The following SDK1 variants were observed in gnomAD, a reference collection of about 807,000 sequenced individuals.
SDK1 encodes protein sidekick-1.
SDK1 carries 157 observed loss-of-function variants against 245.5 expected under a neutral mutation model. The ratio of observed to expected loss-of-function variants is 0.64; its 90% CI spans 0.56 to 0.73. SDK1 has a LOEUF of 0.73. Ranked by LOEUF, SDK1 falls within the 30% of genes least tolerant of loss-of-function variation. SDK1 has a pLI of 0.00. For synonymous variants in SDK1, 1,647 were observed against 1,278.5 expected, an observed-to-expected ratio of 1.29 and a Z score of -6.15; for missense variants, 3,583 against 3,002.3, an observed-to-expected ratio of 1.19 and a Z score of -4.52.
intron 1 of SDK1, among the ~76,000 whole-genome samples, chr7:3,610,110 A>G (rs879747029): frequency 8.5e-5 from 13 of 152,322 alleles, no homozygotes; most frequent in Non-Finnish European, 1.3e-4. Flanking sequence ...AAAATCAATA[A>G]GCTTTGGTTG....
chr7:3,567,183 C>T (rs2128628220), intron 1 of SDK1, among the ~76,000 whole-genome samples: 1 of 152,272 alleles, frequency 6.6e-6, no homozygotes, highest in East Asian at 1.9e-4. Context: ...GATTTGGTCA[C>T]TTTTCGTGTT....
intron 40 of SDK1, among the ~76,000 whole-genome samples, chr7:4,226,460 T>C (rs1785453105): frequency 6.6e-6 from 1 of 152,174 alleles, no homozygotes; most frequent in African/African-American, 2.4e-5. Context: ...TGCCCTCCCA[T>C]CCCCATCCTT....
rs77693598 is a variant in SDK1 at position 3,579,410 on chromosome 7, A to G, written c.299-39670A>G. On this transcript the variant is annotated intron_variant, in intron 1 of 44. Transcript: ENST00000404826. ...AAATGTGATTCATTACATAAACAGA[A>G]CTAAAGACAAAAATCACATGATTAT... is the stretch of plus-strand genomic sequence containing the variant. Among the ~76,000 whole-genome samples the G allele has an allele frequency of 8.9e-4, 135 of 152,372 alleles. 1 individual carries two copies. The highest frequency in any genetic ancestry group is 3.1e-3 in the African/African-American group (128 of 41,590).
chr7:3,540,322 G>A (rs1340599332), intron 1 of SDK1, among the ~76,000 whole-genome samples: 3 of 152,174 alleles, frequency 2.0e-5, no homozygotes, highest in Non-Finnish European at 2.9e-5. Flanking sequence ...CAGGAGAATC[G>A]CTTGAACCTG....
chr7:4,062,623 C>G (rs1404955056), intron 19 of SDK1, among the ~76,000 whole-genome samples: 1 of 152,116 alleles, frequency 6.6e-6, no homozygotes, highest in African/African-American at 2.4e-5. Flanking sequence ...CAGTGTTACC[C>G]AGATACCAAA....
intron 19 of SDK1, among the ~76,000 whole-genome samples, chr7:4,066,000 G>A (rs7801816): frequency 0.26 from 39,261 of 151,786 alleles, 7,705 homozygotes; most frequent in African/African-American, 0.56. Flanking sequence ...TGAATGTGGC[G>A]CCATCCAGCA....
At chr7:3,615,432 A>C (rs1453839422) in intron 1 of SDK1, among the ~76,000 whole-genome samples, 1 of 151,740 alleles carries the variant, frequency 6.6e-6, no homozygotes, top group Non-Finnish European at 1.5e-5. Flanking sequence ...AGAAGCAGGC[A>C]GAACTCTTGG....
chr7:3,901,168 A>C (rs1466461368), intron 5 of SDK1, among the ~76,000 whole-genome samples: 1 of 151,988 alleles, frequency 6.6e-6, no homozygotes, highest in East Asian at 1.9e-4. Context: ...GTCAGATTCA[A>C]GTTAACTGTC....
intron 16 of SDK1, 85 bp downstream of exon 16, chr7:4,012,320 T>C: frequency 7.4e-7 from 1 of 1,358,226 alleles, no homozygotes; most frequent in Non-Finnish European, 9.7e-7. Context: ...CTAATGTCTG[T>C]AAGAGCCAAA....
At chr7:3,811,614 C>T (rs1280787937) in intron 4 of SDK1, among the ~76,000 whole-genome samples, 1 of 152,164 alleles carries the variant, frequency 6.6e-6, no homozygotes, top group Non-Finnish European at 1.5e-5. Flanking sequence ...CACCAAAGCC[C>T]CTCTCTGCTG....
rs527680092 is a variant in SDK1, at chr7:3,651,146, T to A, written c.713+9041T>A. On this transcript the variant is annotated intron_variant, in intron 4 of 44. Coordinates refer to ENST00000404826, the MANE Select transcript of SDK1 (RefSeq NM_152744.4). ...TTAGTTTTAGTTTTTTTTTTTTTTTTAAATGCCAAACTGTTTTCCAGAGTG... is the reference window on the plus strand; with the variant it reads ...TTAGTTTTAGTTTTTTTTTTTTTTTAAAATGCCAAACTGTTTTCCAGAGTG... Among the ~76,000 whole-genome samples the A allele has an allele frequency of 1.4e-3, 209 of 151,588 alleles. 6 individuals carry two copies. The highest frequency in any genetic ancestry group is 4.9e-3 in the African/African-American group (201 of 41,316).
At chr7:3,737,157 GCTGTGCC>G (rs1779337943) in intron 4 of SDK1, among the ~76,000 whole-genome samples, 1 of 152,234 alleles carries the variant, frequency 6.6e-6, no homozygotes, top group African/African-American at 2.4e-5. Context: ...GGAGTGGCAG[GCTGTGCC>G]CTGCAGTCGG....
At chr7:3,962,959 A>T in intron 9 of SDK1, 108 bp downstream of exon 9, 1 of 511,602 alleles carries the variant, frequency 2.0e-6, no homozygotes, top group East Asian at 3.6e-5. Context: ...GCTCACAGCT[A>T]CCTGACCTGG....
intron 1 of SDK1, among the ~76,000 whole-genome samples, chr7:3,326,117 A>G (rs937648491): frequency 3.9e-5 from 6 of 152,142 alleles, no homozygotes; most frequent in African/African-American, 1.4e-4. Context: ...CTAATGGCTT[A>G]GTGTTTATAA....
At position 3,792,135 on chromosome 7, in the gene SDK1, CA is replaced by C. The variant is rs969451732; in HGVS notation, c.714-29311del. ...AGGACGAGACCCCCTTCCTAAATAA[CA>C]AAACAAAATAACAAAAAAAACCCTT... On this transcript the variant is annotated intron_variant, in intron 4 of 44. Coordinates refer to ENST00000404826, the MANE Select transcript of SDK1 (RefSeq NM_152744.4). Among the ~76,000 whole-genome samples, 93 of 152,012 alleles carry C rather than the reference CA, an allele frequency of 6.1e-4. No individual in the cohort carries two copies. In the East Asian group the frequency reaches 0.017, roughly 28 times the overall value.
chr7:3,430,482 C>G (rs947224460), intron 1 of SDK1, among the ~76,000 whole-genome samples: 1 of 152,134 alleles, frequency 6.6e-6, no homozygotes, highest in Non-Finnish European at 1.5e-5. Flanking sequence ...CTACTTTTAC[C>G]TCTGTGACCT....
At chr7:4,043,009 G>C (rs78294477) in intron 17 of SDK1, among the ~76,000 whole-genome samples, 1 of 152,370 alleles carries the variant, frequency 6.6e-6, no homozygotes, top group East Asian at 1.9e-4. Flanking sequence ...AGGAAACTGA[G>C]GCTTTAGAAC....
At chr7:4,058,808 G>A (rs955252906) in intron 19 of SDK1, among the ~76,000 whole-genome samples, 1 of 152,152 alleles carries the variant, frequency 6.6e-6, no homozygotes, top group African/African-American at 2.4e-5. Flanking sequence ...TAAAAGCTGA[G>A]GGAATTCATC....
chr7:3,930,867 A>G (rs957413835), intron 5 of SDK1, among the ~76,000 whole-genome samples: 24 of 152,302 alleles, frequency 1.6e-4, no homozygotes, highest in African/African-American at 5.5e-4. Flanking sequence ...TGGAACAAGA[A>G]AAGATATTTA....
Sources: gnomAD v4.1 joint callset for allele counts (sites outside exome capture counted in the v4.1 genomes callset) on GRCh38, gnomAD v4.1.1 for gene constraint, MANE v1.5 for transcripts, NCBI Gene and HGNC (gene_info 2026-07-23, HGNC 2026-07-21) for gene names.